The following MSR1 variants were observed in gnomAD, a reference collection of about 807,000 sequenced individuals.
The protein encoded by MSR1 is macrophage scavenger receptor types I and II.
A neutral mutation model predicts 47.2 loss-of-function variants in MSR1; 53 were observed. That is an observed-to-expected ratio of 1.12 (90% CI 0.90 to 1.41). The LOEUF (loss-of-function observed/expected upper bound fraction) is 1.41, where lower values mean the gene tolerates loss of function less well. Among genes scored for constraint, MSR1 ranks in the 40% most tolerant of loss-of-function variants. The probability of loss-of-function intolerance (pLI) is 0.00; values close to 1 mark genes in which losing one functional copy is unlikely to be tolerated. For synonymous variants in MSR1, 239 were observed against 185.6 expected, an observed-to-expected ratio of 1.29 and a Z score of -2.34; for missense variants, 786 against 546.9, an observed-to-expected ratio of 1.44 and a Z score of -4.36.
In MSR1 at chr8:16,108,655, C is replaced by T. The variant is rs1245380017; in HGVS notation, c.*1430G>A. On this transcript the variant is annotated 3_prime_UTR_variant, in exon 10 of 10. Coordinates refer to ENST00000262101, the MANE Select transcript of MSR1 (RefSeq NM_138715.3). ...TCTCTTAACCACAAAATTATGCTGC[C>T]AGAGAAAATCAGCAATGTTAAACAA... is the stretch of plus-strand genomic sequence containing the variant. The T allele has an allele frequency of 6.6e-6, 1 of 152,004 alleles. No individual in the cohort carries two copies. The highest frequency in any genetic ancestry group is 1.5e-5 in the Non-Finnish European group (1 of 67,980). The allele number at this position is 152,004 out of a possible 1,614,324, so 9.4% of individuals were successfully genotyped here. A position where few individuals can be genotyped will look rare whatever the true frequency, so the allele number is the denominator to read the frequency against.
At chr8:16,124,369 A>G (rs1040524869) in intron 8 of MSR1, among the ~76,000 whole-genome samples, 15 of 152,214 alleles carry the variant, frequency 9.9e-5, no homozygotes, top group African/African-American at 3.6e-4. Flanking sequence ...TGGTAGAATT[A>G]CAAACATAGT....
chr8:16,177,117 C>A (rs1801672005), intron 2 of MSR1, among the ~76,000 whole-genome samples: 1 of 152,136 alleles, frequency 6.6e-6, no homozygotes, highest in African/African-American at 2.4e-5. Flanking sequence ...TTGTCGTAAC[C>A]TGTGCAAACA....
At chr8:16,124,118 T>C (rs1011021021) in intron 8 of MSR1, among the ~76,000 whole-genome samples, 3 of 152,174 alleles carry the variant, frequency 2.0e-5, no homozygotes, top group Non-Finnish European at 2.9e-5. Context: ...TTCTAAAATA[T>C]CCAGGGAAGT....
At chr8:16,186,610 C>G (rs1305236087) in intron 1 of MSR1, among the ~76,000 whole-genome samples, 1 of 151,720 alleles carries the variant, frequency 6.6e-6, no homozygotes, top group African/African-American at 2.4e-5. Flanking sequence ...CTGTCCAAGC[C>G]CCATCATCCC....
At chr8:16,176,564 GA>G (rs937077604) in intron 2 of MSR1, among the ~76,000 whole-genome samples, 1 of 151,194 alleles carries the variant, frequency 6.6e-6, no homozygotes, top group Non-Finnish European at 1.5e-5. Flanking sequence ...AAGATGGAAG[GA>G]AAAAAGAAAA....
intron 3 of MSR1, among the ~76,000 whole-genome samples, chr8:16,174,280 A>C (rs575505983): frequency 6.6e-6 from 1 of 152,152 alleles, no homozygotes; most frequent in African/African-American, 2.4e-5. Context: ...ACTGCTTAGT[A>C]TGCACATAAA....
chr8:16,166,174 T>C (rs1179765030), intron 4 of MSR1, among the ~76,000 whole-genome samples: 1 of 141,160 alleles, frequency 7.1e-6, no homozygotes, highest in Non-Finnish European at 1.5e-5. Context: ...CTTTTTTTTT[T>C]TTTTTTTTTT....
intron 9 of MSR1, among the ~76,000 whole-genome samples, chr8:16,110,937 T>A (rs1332498911): frequency 1.1e-4 from 17 of 152,150 alleles, no homozygotes; most frequent in Admixed American, 9.8e-4. Context: ...TTTTGAGGTG[T>A]TTATAACAGT....
chr8:16,134,109 A>G (rs888284499), intron 8 of MSR1, among the ~76,000 whole-genome samples: 2 of 152,170 alleles, frequency 1.3e-5, no homozygotes, highest in African/African-American at 4.8e-5. Context: ...CCTTTGGGAC[A>G]TTGTGCCTAT....
intron 1 of MSR1, among the ~76,000 whole-genome samples, chr8:16,189,155 C>T (rs980244626): frequency 4.3e-5 from 6 of 138,964 alleles, no homozygotes; most frequent in East Asian, 2.4e-4. Flanking sequence ...TTCATATATA[C>T]GTAAAACCTT....
At chr8:16,123,523 C>CT (rs33939924) in intron 8 of MSR1, among the ~76,000 whole-genome samples, 51 of 148,752 alleles carry the variant, frequency 3.4e-4, no homozygotes, top group Non-Finnish European at 4.3e-4. Context: ...TCAGATAGGG[C>CT]TTTTTTTTTT....
intron 1 of MSR1, among the ~76,000 whole-genome samples, chr8:16,191,522 T>G (rs911592282): frequency 6.6e-6 from 1 of 151,750 alleles, no homozygotes; most frequent in Non-Finnish European, 1.5e-5. Context: ...AAATATCACT[T>G]TTTTTTTAAA....
intron 7 of MSR1, among the ~76,000 whole-genome samples, chr8:16,147,761 G>A (rs1800740141): frequency 6.6e-6 from 1 of 152,144 alleles, no homozygotes; most frequent in African/African-American, 2.4e-5. Flanking sequence ...CCAGATTGGT[G>A]TCTTTTAATA....
At chr8:16,159,218 T>C (rs1451449973) in intron 5 of MSR1, among the ~76,000 whole-genome samples, 1 of 150,470 alleles carries the variant, frequency 6.6e-6, no homozygotes, top group South Asian at 2.1e-4. Flanking sequence ...TTTGGTGCTT[T>C]CATATCCTAG....
At position 16,164,025 on chromosome 8, in the gene MSR1, T is replaced by C. The variant is rs148780356; in HGVS notation, c.817+40A>G. The C allele has an allele frequency of 5.8e-5, 85 of 1,455,210 alleles. No individual in the cohort carries two copies. In the African/African-American group the frequency reaches 9.9e-4, roughly 17 times the overall value. The allele number at this position is 1,455,210 out of a possible 1,614,324, so 90.1% of individuals were successfully genotyped here. ...CTCTGCATGTATCAGTATATTTTAA[T>C]ATATATATCATTTTCTGGAGAAATG... is the stretch of plus-strand genomic sequence containing the variant. On this transcript the variant is annotated intron_variant, in intron 5 of 9. Coordinates refer to ENST00000262101, the MANE Select transcript of MSR1 (RefSeq NM_138715.3).
At chr8:16,148,902 A>G (rs1220071834) in intron 7 of MSR1, among the ~76,000 whole-genome samples, 1 of 152,136 alleles carries the variant, frequency 6.6e-6, no homozygotes, top group African/African-American at 2.4e-5. Flanking sequence ...CCTTACATTC[A>G]TATTGCTAAG....
At chr8:16,189,410 T>TATATTTTATATATATAAAATC (rs1449558034) in intron 1 of MSR1, among the ~76,000 whole-genome samples, 60 of 103,934 alleles carry the variant, frequency 5.8e-4, no homozygotes, top group South Asian at 1.1e-3. Flanking sequence ...ATATTTTATA[T>TATATTTTATATATATAAAATC]ATATTTTATA....
At chr8:16,113,008 T>C (rs1799795020) in intron 9 of MSR1, among the ~76,000 whole-genome samples, 1 of 144,984 alleles carries the variant, frequency 6.9e-6, no homozygotes, top group African/African-American at 2.6e-5. Context: ...TGGAGTGCAA[T>C]GGCGTGATCT....
At chr8:16,140,587 C>T (rs1362479947) in intron 8 of MSR1, 2 of 1,069,308 alleles carry the variant, frequency 1.9e-6, no homozygotes, top group Non-Finnish European at 2.3e-6. Flanking sequence ...AATCGCTTTG[C>T]TTGACTGAAA....
Sources: gnomAD v4.1 joint callset for allele counts (sites outside exome capture counted in the v4.1 genomes callset) on GRCh38, gnomAD v4.1.1 for gene constraint, MANE v1.5 for transcripts, NCBI Gene and HGNC (gene_info 2026-07-23, HGNC 2026-07-21) for gene names.